JAZF1: variants seen among roughly 807,000 people sequenced by gnomAD.
JAZF1 encodes the protein JAZF zinc finger 1, also known as juxtaposed with another zinc finger protein 1.
Under a neutral mutation model 26.4 loss-of-function variants are expected in JAZF1, and 8 were observed. That is an observed-to-expected ratio of 0.30 (90% CI 0.18 to 0.55). JAZF1 has a LOEUF of 0.55. JAZF1 is among the 20% of genes least tolerant of loss of function. JAZF1 has a pLI of 0.94. For missense variants in JAZF1, 199 were observed against 322.0 expected, an observed-to-expected ratio of 0.62 and a Z score of 2.92; for synonymous variants, 126 against 122.3, an observed-to-expected ratio of 1.03 and a Z score of -0.20.
intron 1 of JAZF1, among the ~76,000 whole-genome samples, chr7:28,077,719 A>T (rs1239054688): frequency 5.3e-5 from 8 of 152,158 alleles, no homozygotes; most frequent in Admixed American, 3.3e-4. Flanking sequence ...ATCTGGGTGT[A>T]CAAAAACAGG....
chr7:28,052,318 T>C (rs980304830), intron 1 of JAZF1, among the ~76,000 whole-genome samples: 1 of 152,224 alleles, frequency 6.6e-6, no homozygotes, highest in Non-Finnish European at 1.5e-5. Flanking sequence ...AGTTGAATAG[T>C]GCCAAGGAAA....
intron 1 of JAZF1, among the ~76,000 whole-genome samples, chr7:28,022,973 T>C (rs569157295): frequency 1.6e-3 from 250 of 152,316 alleles, no homozygotes; most frequent in African/African-American, 5.9e-3. Flanking sequence ...CAGGCAGTAT[T>C]GAAAGAGATG....
At chr7:27,946,024 C>T (rs1198516478) in intron 2 of JAZF1, among the ~76,000 whole-genome samples, 2 of 152,082 alleles carry the variant, frequency 1.3e-5, no homozygotes, top group Non-Finnish European at 2.9e-5. Context: ...TTATTTAATC[C>T]TCTACTATAA....
chr7:28,086,427 T>C (rs1205911997), intron 1 of JAZF1, among the ~76,000 whole-genome samples: 1 of 152,226 alleles, frequency 6.6e-6, no homozygotes, highest in Non-Finnish European at 1.5e-5. Context: ...CCATTACTGA[T>C]AAACCCCTTT....
chr7:28,152,852 C>T (rs1002020164), intron 1 of JAZF1, among the ~76,000 whole-genome samples: 1 of 152,112 alleles, frequency 6.6e-6, no homozygotes, highest in African/African-American at 2.4e-5. Context: ...GGAAAAAGTA[C>T]AAGAAAGATA....
intron 1 of JAZF1, among the ~76,000 whole-genome samples, chr7:28,119,509 C>T (rs978046478): frequency 1.5e-4 from 23 of 152,102 alleles, no homozygotes; most frequent in African/African-American, 4.3e-4. Flanking sequence ...CCATCCTGCC[C>T]GTCCTTTTTG....
chr7:28,107,100 C>G (rs1447079419), intron 1 of JAZF1, among the ~76,000 whole-genome samples: 1 of 152,212 alleles, frequency 6.6e-6, no homozygotes, highest in Non-Finnish European at 1.5e-5. Context: ...AAGCTGCCAA[C>G]ATCGAATTAA....
At chr7:28,116,434 T>A (rs1455604421) in intron 1 of JAZF1, among the ~76,000 whole-genome samples, 1 of 152,180 alleles carries the variant, frequency 6.6e-6, no homozygotes, top group African/African-American at 2.4e-5. Flanking sequence ...TTGAAAACAA[T>A]GTATTTCTTT....
intron 1 of JAZF1, among the ~76,000 whole-genome samples, chr7:28,097,901 C>A (rs1784409765): frequency 6.6e-6 from 1 of 152,224 alleles, no homozygotes; most frequent in African/African-American, 2.4e-5. Context: ...CACTTCTGCA[C>A]AGGGGTGCCC....
chr7:28,035,313 C>CAAAAAAAAAA (rs201602870), intron 1 of JAZF1, among the ~76,000 whole-genome samples: 387 of 27,430 alleles, frequency 0.014, 36 homozygotes, highest in Non-Finnish European at 0.018. Flanking sequence ...GACTCCATCT[C>CAAAAAAAAAA]AAAAAAAAAA....
At position 27,895,463 on chromosome 7, in the gene JAZF1, T is replaced by C. The variant is rs947000338; in HGVS notation, c.189-47A>G. ...AGGAACCTGGGCCATGTATAGAGCA[T>C]GAGGACTGATGACATTTATTAGAGT... On this transcript the variant is annotated intron_variant, in intron 2 of 4. Coordinates refer to ENST00000283928, the MANE Select transcript of JAZF1 (RefSeq NM_175061.4). The C allele has an allele frequency of 3.7e-6, 5 of 1,340,694 alleles. No homozygotes were observed. The African/African-American group carries it at 4.5e-5, about 12-fold the overall frequency. 83.0% of individuals were successfully genotyped at this position (1,340,694 alleles called of 1,614,324 possible). A position where few individuals can be genotyped will look rare whatever the true frequency, so the allele number is the denominator to read the frequency against.
At chr7:28,143,750 A>G (rs954679383) in intron 1 of JAZF1, among the ~76,000 whole-genome samples, 2 of 152,250 alleles carry the variant, frequency 1.3e-5, no homozygotes, top group Admixed American at 6.5e-5. Flanking sequence ...CTTTTCATCA[A>G]TGCAGCCAGA....
intron 1 of JAZF1, among the ~76,000 whole-genome samples, chr7:28,079,679 G>A (rs186865488): frequency 3.3e-5 from 5 of 152,248 alleles, no homozygotes; most frequent in African/African-American, 1.2e-4. Context: ...AGAACTTGGC[G>A]CCTCTCTAAA....
At chr7:28,042,852 T>C (rs774818587) in intron 1 of JAZF1, among the ~76,000 whole-genome samples, 12 of 152,172 alleles carry the variant, frequency 7.9e-5, no homozygotes, top group Non-Finnish European at 8.8e-5. Flanking sequence ...GGCTCTACCA[T>C]ATAGGTTTTT....
intron 2 of JAZF1, among the ~76,000 whole-genome samples, chr7:27,986,150 T>C (rs13235358): frequency 2.0e-5 from 3 of 152,186 alleles, no homozygotes; most frequent in African/African-American, 7.2e-5. Context: ...GGGTATTCAA[T>C]TAGGAAAAGA....
intron 3 of JAZF1, chr7:27,841,827 C>T (rs779575235): frequency 3.9e-5 from 6 of 152,056 alleles, no homozygotes; most frequent in African/African-American, 4.8e-5. Flanking sequence ...ATAATTCTAC[C>T]GATCATAAAC....
chr7:28,072,148 G>T (rs1783987640), intron 1 of JAZF1, among the ~76,000 whole-genome samples: 1 of 152,114 alleles, frequency 6.6e-6, no homozygotes, highest in East Asian at 1.9e-4. Context: ...ATGGTGGCTG[G>T]GCTTCACACA....
intron 2 of JAZF1, among the ~76,000 whole-genome samples, chr7:27,982,313 T>TGGCTCAGAGGGTCCCATGCCC (rs1562548488): frequency 4.2e-4 from 63 of 151,742 alleles, no homozygotes; most frequent in Non-Finnish European, 2.9e-5. Context: ...ATCCCGCGCA[T>TGGCTCAGAGGGTCCCATGCCC]GGCTCAGAGG....
At chr7:28,070,478 A>G (rs912809058) in intron 1 of JAZF1, among the ~76,000 whole-genome samples, 17 of 152,344 alleles carry the variant, frequency 1.1e-4, no homozygotes, top group African/African-American at 3.6e-4. Context: ...ATGTTTTTAA[A>G]ACTATTTGGA....
Sources: allele counts gnomAD v4.1 joint callset (sites outside exome capture counted in the v4.1 genomes callset), GRCh38; gene constraint gnomAD v4.1.1; transcripts MANE v1.5; gene names NCBI Gene and HGNC (gene_info 2026-07-23, HGNC 2026-07-21).